The following HMGN4 variants were observed in gnomAD, a reference collection of about 807,000 sequenced individuals.
HMGN4 encodes the protein high mobility group nucleosomal binding domain 4, also known as high mobility group nucleosome-binding domain-containing protein 4.
For missense variants in HMGN4, 69 were observed against 104.9 expected (o/e 0.66, Z 1.49); for synonymous variants, 39 against 39.1 (o/e 1.00, Z 0.01).
chr6:26,539,926 C>T (rs1339091007), intron 1 of HMGN4: 1 of 152,092 alleles, frequency 6.6e-6, no homozygotes, highest in Admixed American at 6.6e-5. Flanking sequence ...ATTATGGTGC[C>T]CAGAAAGGGG....
intron 1 of HMGN4, among the ~76,000 whole-genome samples, chr6:26,544,743 A>G (rs1407911824): frequency 1.3e-5 from 2 of 152,228 alleles, no homozygotes; most frequent in Non-Finnish European, 2.9e-5. Flanking sequence ...ATATTGTCAG[A>G]CAACTTGGTT....
chr6:26,545,585 T>C lies in HMGN4; in HGVS notation c.*106T>C, dbSNP rs377502372. The C allele has an allele frequency of 1.8e-6, 2 of 1,093,514 alleles. No homozygotes were observed. Among genetic ancestry groups the C allele is most frequent in the African/African-American group, 3.2e-5 (2 of 62,570 alleles). 67.7% of individuals were successfully genotyped at this position (1,093,514 alleles called of 1,614,324 possible). The stretch of plus-strand genomic sequence containing the variant: ...GTGTAGAATTTTGGCTTTTTTAAGT[T>C]ATGTTGTTAGCACACAGGACACTTC... On this transcript the variant is annotated 3_prime_UTR_variant, in exon 2 of 2. Transcript: ENST00000377575.
intron 1 of HMGN4, 74 bp downstream of exon 1, chr6:26,538,575 G>C (rs1257081187): frequency 1.3e-5 from 2 of 152,650 alleles, no homozygotes; most frequent in Non-Finnish European, 2.9e-5. Context: ...GCCGCCCTCC[G>C]TATACTTAGG....
In HMGN4 at chr6:26,542,545, G is replaced by A. The variant is rs9467782; in HGVS notation, c.-80-2582G>A. On this transcript the variant is annotated intron_variant, in intron 1 of 1. Transcript: ENST00000377575. This position sits in a 1 kb window ranked among gnomAD's most constrained non-coding sequence, Gnocchi z 4.6. ...TGCGCCACCTCAAATAATTTCTTCT[G>A]AGTTAAAACCACTGTGTGGTGAGAG... is the stretch of plus-strand genomic sequence containing the variant. Among the ~76,000 whole-genome samples, 76,288 of 151,926 alleles carry A rather than the reference G, an allele frequency of 0.5. 19,404 individuals carry two copies. The highest frequency in any genetic ancestry group is 0.75 in the East Asian group (3,858 of 5,172).
intron 1 of HMGN4, among the ~76,000 whole-genome samples, chr6:26,544,133 C>A (rs1247080336): frequency 6.6e-6 from 1 of 152,168 alleles, no homozygotes; most frequent in African/African-American, 2.4e-5. Context: ...TGTGCTTCCC[C>A]TACAGTTTAA....
In HMGN4 at chr6:26,546,108, A is replaced by T. The variant is rs1363552232; in HGVS notation, c.*629A>T. 4.8e-5 allele frequency: 8 copies of T among 167,104 alleles called. No homozygotes were observed. In the Admixed American group the frequency reaches 5.2e-4, roughly 11 times the overall value. The allele number at this position is 167,104 out of a possible 1,614,324, so 10.4% of individuals were successfully genotyped here. ...AAAATCTTTCTTGTTCAAAACAGCA[A>T]CGACATATCTTGTTAACTTTTACGG... On this transcript the variant is annotated 3_prime_UTR_variant, in exon 2 of 2. Coordinates refer to ENST00000377575, the MANE Select transcript of HMGN4 (RefSeq NM_006353.3).
rs1764352395 is a variant in HMGN4, at chr6:26,546,492, TG to T, written c.*1014del. On this transcript the variant is annotated 3_prime_UTR_variant, in exon 2 of 2. Coordinates refer to ENST00000377575, the MANE Select transcript of HMGN4 (RefSeq NM_006353.3). ...CTGCCTCTTTCATAAATTAAATTTTTGTGTATGTGTGTGGGTCTTTTGATGG... is the reference window on the plus strand; with the variant it reads ...CTGCCTCTTTCATAAATTAAATTTTTTGTATGTGTGTGGGTCTTTTGATGG... Among the ~76,000 whole-genome samples, 1 of 152,222 alleles carries T rather than the reference TG, an allele frequency of 6.6e-6. No homozygotes were observed. The highest frequency in any genetic ancestry group is 1.5e-5 in the Non-Finnish European group (1 of 68,040).
At chr6:26,538,904 A>G (rs1194684361) in intron 1 of HMGN4, among the ~76,000 whole-genome samples, 4 of 152,078 alleles carry the variant, frequency 2.6e-5, no homozygotes, top group South Asian at 4.1e-4. Flanking sequence ...TTCCTCCCCA[A>G]TTTACCTTCG....
intron 1 of HMGN4, among the ~76,000 whole-genome samples, chr6:26,541,730 A>AT (rs1276722903): frequency 6.6e-6 from 1 of 152,176 alleles, no homozygotes; most frequent in Non-Finnish European, 1.5e-5. Flanking sequence ...GCAAGTCTTC[A>AT]TGCTAACAAA....
intron 1 of HMGN4, among the ~76,000 whole-genome samples, chr6:26,539,455 G>A (rs1179607355): frequency 6.6e-6 from 1 of 151,778 alleles, no homozygotes; most frequent in Non-Finnish European, 1.5e-5. Flanking sequence ...TTTTTAGTTG[G>A]AGACGGAGTT....
At chr6:26,540,792 G>A (rs552444992) in intron 1 of HMGN4, among the ~76,000 whole-genome samples, 1 of 152,222 alleles carries the variant, frequency 6.6e-6, no homozygotes, top group African/African-American at 2.4e-5. Flanking sequence ...TTCTGATTTC[G>A]GGGTGGGATT....
At position 26,546,580 on chromosome 6, in the gene HMGN4, T is replaced by C. The variant is rs4573; in HGVS notation, c.*1101T>C. 0.36 allele frequency among the ~76,000 whole-genome samples: 55,203 copies of C among 152,094 alleles called. 12,216 individuals carry two copies. Among genetic ancestry groups the C allele is most frequent in the East Asian group, 0.69 (3,569 of 5,186 alleles). On this transcript the variant is annotated 3_prime_UTR_variant, in exon 2 of 2. Coordinates refer to ENST00000377575, the MANE Select transcript of HMGN4 (RefSeq NM_006353.3). ...TAGCAGTACAGTACAGTCCTGATTA[T>C]TGCAACTTTAGGAAAAGGTCTGATA...
chr6:26,543,819 T>TA (rs1764318019), intron 1 of HMGN4, among the ~76,000 whole-genome samples: 1 of 130,958 alleles, frequency 7.6e-6, no homozygotes, highest in Non-Finnish European at 1.7e-5. Flanking sequence ...GAGACAAGAT[T>TA]AAAAAAATAA....
rs1764294358 is a variant in HMGN4 at position 26,542,207 on chromosome 6, A to C, written c.-80-2920A>C. On this transcript the variant is annotated intron_variant, in intron 1 of 1. Transcript: ENST00000377575. The surrounding 1 kb of genome is among the most constrained non-coding windows in gnomAD (Gnocchi z 4.6). ...AAATGCGTATTTTTTTTTTACATTA[A>C]TAGACTTCCTTTTTTCAGAGCAATT... Among the ~76,000 whole-genome samples, 1 of 151,906 alleles carries C rather than the reference A, an allele frequency of 6.6e-6. No individual in the cohort carries two copies. The highest frequency in any genetic ancestry group is 1.5e-5 in the Non-Finnish European group (1 of 67,998).
In HMGN4 at chr6:26,545,536, T is replaced by A; in HGVS notation, c.*57T>A. 1 of 1,441,700 alleles carries A rather than the reference T, an allele frequency of 6.9e-7. No individual in the cohort carries two copies. Among genetic ancestry groups the A allele is most frequent in the South Asian group, 1.6e-5 (1 of 63,694 alleles). 89.3% of individuals were successfully genotyped at this position (1,441,700 alleles called of 1,614,324 possible). On this transcript the variant is annotated 3_prime_UTR_variant, in exon 2 of 2. Transcript: ENST00000377575. ...GTGACTCTACTGTTTGAAATACTAT[T>A]TTTTTAAATCAAGTTTTATAAAAGT...
intron 1 of HMGN4, among the ~76,000 whole-genome samples, chr6:26,539,165 A>G (rs1764255529): frequency 6.6e-6 from 1 of 152,242 alleles, no homozygotes; most frequent in Non-Finnish European, 1.5e-5. Context: ...GTGTTCCCTA[A>G]GAGGGATTTC....
rs1764304733 is a variant in HMGN4, at chr6:26,542,931, C to T, written c.-80-2196C>T. On this transcript the variant is annotated intron_variant, in intron 1 of 1. Coordinates refer to ENST00000377575, the MANE Select transcript of HMGN4 (RefSeq NM_006353.3). This position sits in a 1 kb window ranked among gnomAD's most constrained non-coding sequence, Gnocchi z 4.6. Reference sequence around the variant, plus strand: ...AGAGACTGTGTGAGCATTCTCACACCAGGAAATGGGCTGAGAAACAATTTT... The same window carrying T: ...AGAGACTGTGTGAGCATTCTCACACTAGGAAATGGGCTGAGAAACAATTTT... Among the ~76,000 whole-genome samples, 1 of 151,996 alleles carries T rather than the reference C, an allele frequency of 6.6e-6. No homozygotes were observed. Among genetic ancestry groups the T allele is most frequent in the Admixed American group, 6.6e-5 (1 of 15,250 alleles).
chr6:26,543,022 T>C (rs1764305517), intron 1 of HMGN4, among the ~76,000 whole-genome samples: 1 of 152,178 alleles, frequency 6.6e-6, no homozygotes, highest in South Asian at 2.1e-4. Context: ...TAGGCCAAAA[T>C]CTCACTTTTT....
At chr6:26,541,129 C>G (rs545520424) in intron 1 of HMGN4, among the ~76,000 whole-genome samples, 4 of 152,322 alleles carry the variant, frequency 2.6e-5, no homozygotes, top group African/African-American at 9.6e-5. Context: ...TCACTGCAAC[C>G]TCTGCCTCCC....
Sources: gnomAD v4.1 joint callset for allele counts (sites outside exome capture counted in the v4.1 genomes callset) on GRCh38, gnomAD v4.1.1 for gene constraint, Gnocchi (gnomAD v3.1) non-coding constraint, MANE v1.5 for transcripts, NCBI Gene and HGNC (gene_info 2026-07-23, HGNC 2026-07-21) for gene names.